Variants in MARK2 observed in about 807,000 individuals in gnomAD.
The protein encoded by MARK2 is microtubule affinity regulating kinase 2.
MARK2 carries 16 observed loss-of-function variants against 89.8 expected under a neutral mutation model. The ratio of observed to expected loss-of-function variants is 0.18; its 90% CI spans 0.12 to 0.27. MARK2 has a LOEUF of 0.27. Ranked by LOEUF, MARK2 falls within the 10% of genes least tolerant of loss-of-function variation. The probability of loss-of-function intolerance (pLI) is 1.00; values close to 1 mark genes in which losing one functional copy is unlikely to be tolerated. For missense variants in MARK2, 621 were observed against 1,049.9 expected (o/e 0.59, Z 5.65); for synonymous variants, 382 against 399.5 (o/e 0.96, Z 0.52).
chr11:63,909,230 A>C lies in MARK2; in HGVS notation c.2360A>C (p.Lys787Thr). ...GCCTCCAAAATAGCCAACGAGCTGA[A>C]GCTTTAACAGGCTGCCAGGAGCGGG... Reference protein sequence around the residue: ...NIASKIANELKL With the variant: ...NIASKIANELTL Residue 787 changes from lysine (K) to threonine (T), a missense_variant, in exon 19 of 19, where the codon AAG (lysine) becomes ACG (threonine). By Grantham distance (78) the Lys-to-Thr change is moderately conservative (BLOSUM62 -1). Transcript: ENST00000402010. 1 of 1,585,316 alleles carries C rather than the reference A, an allele frequency of 6.3e-7. No homozygotes were observed. The highest frequency in any genetic ancestry group is 8.6e-7 in the Non-Finnish European group (1 of 1,157,208).
intron 17 of MARK2, 92 bp from the exon 18 acceptor site, chr11:63,908,168 G>A: frequency 1.7e-6 from 2 of 1,201,014 alleles, no homozygotes; most frequent in Non-Finnish European, 2.4e-6. Context: ...CCCACTGGTG[G>A]CACCTCCCCA....
At chr11:63,895,696 C>G (rs1042407920) in intron 3 of MARK2, 63 bp downstream of exon 3, 13 of 1,334,818 alleles carry the variant, frequency 9.7e-6, no homozygotes, top group Non-Finnish European at 1.4e-5. Context: ...TGAGTCAGAG[C>G]CTCACTCTTG....
chr11:63,895,750 A>G (rs1467236359), intron 3 of MARK2, 117 bp downstream of exon 3: 1 of 883,984 alleles, frequency 1.1e-6, no homozygotes, highest in African/African-American at 1.9e-5. Flanking sequence ...GCTCACTGCA[A>G]CCTCCGCCTT....
intron 1 of MARK2, chr11:63,882,734 C>T (rs1939171103): frequency 6.6e-6 from 1 of 152,098 alleles, no homozygotes; most frequent in African/African-American, 2.4e-5. Flanking sequence ...AGAATGACAC[C>T]CTTCACTACT....
intron 1 of MARK2, among the ~76,000 whole-genome samples, chr11:63,839,987 C>T (rs1413862742): frequency 6.6e-6 from 1 of 152,170 alleles, no homozygotes; most frequent in Admixed American, 6.5e-5. Flanking sequence ...GCCTCGCTTC[C>T]CCTCCGCCCG....
intron 1 of MARK2, among the ~76,000 whole-genome samples, chr11:63,862,004 G>A (rs943979737): frequency 2.7e-5 from 4 of 146,574 alleles, no homozygotes; most frequent in Non-Finnish European, 6.0e-5. Context: ...GCTCACTGCA[G>A]TCTCCGCCTC....
intron 1 of MARK2, among the ~76,000 whole-genome samples, chr11:63,848,558 T>G (rs911114090): frequency 1.3e-5 from 2 of 150,970 alleles, no homozygotes; most frequent in Admixed American, 6.6e-5. Flanking sequence ...AATTTTTTTT[T>G]TTTTTTTTTT....
intron 1 of MARK2, among the ~76,000 whole-genome samples, chr11:63,872,013 T>A (rs1261883729): frequency 6.6e-6 from 1 of 152,196 alleles, no homozygotes; most frequent in Non-Finnish European, 1.5e-5. Flanking sequence ...CCACTTTCCC[T>A]TTTCTCTTGA....
intron 1 of MARK2, among the ~76,000 whole-genome samples, chr11:63,860,368 A>G (rs183125599): frequency 1.3e-5 from 2 of 151,508 alleles, no homozygotes; most frequent in Non-Finnish European, 2.9e-5. Context: ...CCTGGCCAAC[A>G]TGGTGAAACC....
chr11:63,859,986 ACTTTATTTTT>A (rs1389053495), intron 1 of MARK2, among the ~76,000 whole-genome samples: 1 of 152,168 alleles, frequency 6.6e-6, no homozygotes, highest in African/African-American at 2.4e-5. Context: ...ATGTAGGTAT[ACTTTATTTTT>A]CCTGTAAGAG....
intron 1 of MARK2, among the ~76,000 whole-genome samples, chr11:63,887,286 A>G (rs1049637752): frequency 1.3e-5 from 2 of 152,224 alleles, no homozygotes; most frequent in South Asian, 2.1e-4. Flanking sequence ...TGGTGACAAA[A>G]GCTCTGGGCT....
chr11:63,884,786 C>T lies in MARK2; in HGVS notation c.55-10373C>T, dbSNP rs1413127709. 2.6e-5 allele frequency among the ~76,000 whole-genome samples: 4 copies of T among 152,214 alleles called. No homozygotes were observed. The South Asian group carries it at 6.2e-4, about 24-fold the overall frequency. ...TTTATTGACTCTTGGCAGTTGATAG[C>T]GATAGTTGCTCATGGCAGTTGATAG... is the stretch of plus-strand genomic sequence containing the variant. On this transcript the variant is annotated intron_variant, in intron 1 of 18. Coordinates refer to ENST00000402010, the MANE Select transcript of MARK2 (RefSeq NM_001039469.3).
At position 63,909,329 on chromosome 11, in the gene MARK2, G is replaced by A. The variant is rs1237957055; in HGVS notation, c.*92G>A. ...CCACCTGGGCGAGACTGCAGCGATG[G>A]ATTGGTGTGTCTCCCCTGCTGGCAC... On this transcript the variant is annotated 3_prime_UTR_variant, in exon 19 of 19. Transcript: ENST00000402010. The A allele has an allele frequency of 7.5e-7, 1 of 1,334,462 alleles. No individual in the cohort carries two copies. 82.7% of individuals were successfully genotyped at this position (1,334,462 alleles called of 1,614,324 possible). A position where few individuals can be genotyped will look rare whatever the true frequency, so the allele number is the denominator to read the frequency against.
At position 63,902,458 on chromosome 11, in the gene MARK2, G is replaced by A; in HGVS notation, c.1234+128G>A. The A allele has an allele frequency of 7.2e-7, 1 of 1,397,522 alleles. No individual in the cohort carries two copies. The highest frequency in any genetic ancestry group is 2.4e-5 in the East Asian group (1 of 42,098). The allele number at this position is 1,397,522 out of a possible 1,614,324, so 86.6% of individuals were successfully genotyped here. Reference sequence around the variant, plus strand: ...AGCCACTTATTAGTAGTGTGGCTATGGGCAAGCCACTTCCCTTCCCTCGCC... The same window carrying A: ...AGCCACTTATTAGTAGTGTGGCTATAGGCAAGCCACTTCCCTTCCCTCGCC... On this transcript the variant is annotated intron_variant, in intron 12 of 18. Transcript: ENST00000402010. This position sits in a 1 kb window ranked among gnomAD's most constrained non-coding sequence, Gnocchi z 4.2.
In MARK2 at chr11:63,902,913, A is replaced by G. The variant is rs1941018040; in HGVS notation, c.1416+131A>G. 2.8e-6 allele frequency: 3 copies of G among 1,055,746 alleles called. No homozygotes were observed. Among genetic ancestry groups the G allele is most frequent in the African/African-American group, 1.6e-5 (1 of 63,880 alleles). 65.4% of individuals were successfully genotyped at this position (1,055,746 alleles called of 1,614,324 possible). ...GCTTATAGCAGGAAGCCTCGCTCCCAGCAGTAAATGCAGAATCCTTTCCTT... is the reference window on the plus strand; with the variant it reads ...GCTTATAGCAGGAAGCCTCGCTCCCGGCAGTAAATGCAGAATCCTTTCCTT... On this transcript the variant is annotated intron_variant, in intron 13 of 18. Transcript: ENST00000402010. This position sits in a 1 kb window ranked among gnomAD's most constrained non-coding sequence, Gnocchi z 4.2.
chr11:63,903,951 C>A lies in MARK2; in HGVS notation c.1515-35C>A. On this transcript the variant is annotated intron_variant, in intron 14 of 18. Transcript: ENST00000402010. This position sits in a 1 kb window ranked among gnomAD's most constrained non-coding sequence, Gnocchi z 5.1. Reference sequence around the variant, plus strand: ...CCAGGCCTCCCGCCCTCACTCACCCCTAACACGGGCCTCTCCGCTGCTTTT... The same window carrying A: ...CCAGGCCTCCCGCCCTCACTCACCCATAACACGGGCCTCTCCGCTGCTTTT... 2 of 1,573,692 alleles carry A rather than the reference C, an allele frequency of 1.3e-6. No individual in the cohort carries two copies. The highest frequency in any genetic ancestry group is 2.3e-5 in the South Asian group (2 of 87,384).
chr11:63,883,520 G>GAAT (rs1939224225), intron 1 of MARK2, among the ~76,000 whole-genome samples: 1 of 151,982 alleles, frequency 6.6e-6, no homozygotes, highest in South Asian at 2.1e-4. Flanking sequence ...GATAATAATA[G>GAAT]AATACATCAT....
intron 1 of MARK2, chr11:63,889,011 TTCCTC>T: frequency 1.5e-6 from 2 of 1,303,138 alleles, no homozygotes; most frequent in Non-Finnish European, 2.0e-6. Flanking sequence ...TCCTCTTTCT[TTCCTC>T]TCATCTCAAA....
At chr11:63,871,241 C>T (rs1380075911) in intron 1 of MARK2, among the ~76,000 whole-genome samples, 1 of 152,184 alleles carries the variant, frequency 6.6e-6, no homozygotes, top group African/African-American at 2.4e-5. Context: ...TTGGTGCTCC[C>T]CCCACCGCCA....
Sources: gnomAD v4.1 joint callset for allele counts (sites outside exome capture counted in the v4.1 genomes callset) on GRCh38, gnomAD v4.1.1 for gene constraint, Gnocchi (gnomAD v3.1) non-coding constraint, MANE v1.5 for transcripts, NCBI Gene and HGNC (gene_info 2026-07-23, HGNC 2026-07-21) for gene names.